KCTD2: variants seen among roughly 807,000 people sequenced by gnomAD.
The protein encoded by KCTD2 is BTB/POZ domain-containing protein KCTD2.
KCTD2 carries 18 observed loss-of-function variants against 27.9 expected under a neutral mutation model. The ratio of observed to expected loss-of-function variants is 0.64; its 90% CI spans 0.45 to 0.96. The LOEUF (loss-of-function observed/expected upper bound fraction) is 0.96. KCTD2 is among the 40% of genes least tolerant of loss of function. KCTD2 has a pLI of 0.00. For missense variants in KCTD2, 280 were observed against 348.0 expected, an observed-to-expected ratio of 0.80 and a Z score of 1.56; for synonymous variants, 175 against 148.4, an observed-to-expected ratio of 1.18 and a Z score of -1.30.
upstream of KCTD2, chr17:75,047,183 C>T (rs1199157425): frequency 1.1e-5 from 5 of 464,032 alleles, no homozygotes; most frequent in Non-Finnish European, 1.6e-5. Context: ...GCCGGCCCGG[C>T]TCTCCCTGCC....
In KCTD2 at chr17:75,063,335, C is replaced by T. The variant is rs868771572; in HGVS notation, c.*288C>T. ...ACAGCAGCTGGGCTGGGTTCCCAGT[C>T]GGAGCCTTTCGGGGATCTGGGGGAT... On this transcript the variant is annotated 3_prime_UTR_variant, in exon 6 of 6. Transcript: ENST00000322444. 3.4e-5 allele frequency: 15 copies of T among 439,418 alleles called. No homozygotes were observed. Among genetic ancestry groups the T allele is most frequent in the South Asian group, 1.4e-4 (5 of 36,088 alleles). The allele number at this position is 439,418 out of a possible 1,614,324, so 27.2% of individuals were successfully genotyped here.
chr17:75,046,500 G>A (rs1251099962), upstream of KCTD2, among the ~76,000 whole-genome samples: 2 of 152,222 alleles, frequency 1.3e-5, no homozygotes, highest in African/African-American at 2.4e-5. Context: ...TGCACCCGAG[G>A]AGCCCTGAAC....
chr17:75,062,916 A>C (rs2073419185), intron 5 of KCTD2, 102 bp from the exon 6 acceptor site: 4 of 1,267,696 alleles, frequency 3.2e-6, no homozygotes, highest in Non-Finnish European at 3.4e-6. Context: ...TCCTGGGATG[A>C]CAGGACCATC....
chr17:75,047,345 C>A lies in KCTD2; in HGVS notation c.95C>A (p.Pro32His). The change falls in exon 1 of 6, where the codon CCC (proline) becomes CAC (histidine). Residue 32 changes from proline to histidine, a missense_variant. By Grantham distance (77) the Pro-to-His change is moderately conservative. Coordinates refer to ENST00000322444, the MANE Select transcript of KCTD2 (RefSeq NM_015353.3). ...GDGGGPVRGP[P>H]SPRPAGPTPR... is the part of the protein sequence containing the mutation. The stretch of plus-strand genomic sequence containing the variant: ...GGGGGTGGCCCAGTCCGCGGGCCCC[C>A]CAGCCCACGCCCGGCTGGCCCCACG... 8.7e-7 allele frequency: 1 copy of A among 1,150,484 alleles called. No individual in the cohort carries two copies. The highest frequency in any genetic ancestry group is 1.1e-6 in the Non-Finnish European group (1 of 936,220). The allele number at this position is 1,150,484 out of a possible 1,614,324, so 71.3% of individuals were successfully genotyped here.
chr17:75,060,692 G>A, intron 4 of KCTD2: 1 of 1,318,136 alleles, frequency 7.6e-7, no homozygotes, highest in East Asian at 2.6e-5. Flanking sequence ...GCTGCACTCA[G>A]GGTCTCGGTC....
upstream of KCTD2, among the ~76,000 whole-genome samples, chr17:75,046,189 TCTC>T (rs2073214321): frequency 6.6e-6 from 1 of 152,128 alleles, no homozygotes; most frequent in Non-Finnish European, 1.5e-5. Context: ...TTCAAGCGAT[TCTC>T]CTGCCTCAGC....
intron 2 of KCTD2, among the ~76,000 whole-genome samples, chr17:75,052,036 T>A (rs1017931158): frequency 6.6e-6 from 1 of 152,072 alleles, no homozygotes; most frequent in African/African-American, 2.4e-5. Context: ...CCAGTCCTTT[T>A]GAGGGCAGAT....
chr17:75,033,131 C>A (rs11869630), intron 1 of KCTD2: 3 of 151,116 alleles, frequency 2.0e-5, no homozygotes, highest in South Asian at 2.1e-4. Context: ...AATTTTTTTT[C>A]TTTTTTTTCT....
Position 75,034,309 on chromosome 17 carries a change from G to A in KCTD2, c.-385+192G>A, listed in dbSNP as rs1356738267. Among the ~76,000 whole-genome samples the A allele has an allele frequency of 2.6e-4, 39 of 152,152 alleles. 1 individual carries two copies. Among genetic ancestry groups the A allele is most frequent in the Admixed American group, 2.6e-3 (39 of 15,278 alleles). On this transcript the variant is annotated intron_variant, in intron 2 of 7. Coordinates refer to the KCTD2 transcript ENST00000581589. ...ACCGCGACTGCAAACAGAGGGTCCT[G>A]CAAGAGAAGGCGAGGGGCGCAAACA...
chr17:75,047,300 G>C lies in KCTD2; in HGVS notation c.50G>C (p.Gly17Ala). ...DPAMAGLGGG[G>A]GSGVGDGGGP... ...GCGATGGCGGGGCTGGGAGGGGGCG[G>C]CGGGAGTGGGGTGGGCGACGGGGGT... Residue 17 changes from glycine (G) to alanine (A), a missense_variant, in exon 1 of 6, where the codon GGC becomes GCC. Physicochemically the swap from Gly to Ala is moderately conservative, Grantham distance 60. Transcript: ENST00000322444. 8.6e-7 allele frequency: 1 copy of C among 1,163,642 alleles called. No homozygotes were observed. Among genetic ancestry groups the C allele is most frequent in the Non-Finnish European group, 1.1e-6 (1 of 939,266 alleles). 72.1% of individuals were successfully genotyped at this position (1,163,642 alleles called of 1,614,324 possible).
At chr17:75,037,345 G>GAAAAAAAAAAA (rs56310455) in intron 3 of KCTD2, among the ~76,000 whole-genome samples, 2 of 84,706 alleles carry the variant, frequency 2.4e-5, no homozygotes, top group African/African-American at 7.0e-5. Context: ...TTCCATATCA[G>GAAAAAAAAAAA]AAAAAAAAAA....
chr17:75,051,324 G>A (rs1379789363), intron 2 of KCTD2, among the ~76,000 whole-genome samples: 1 of 108,188 alleles, frequency 9.2e-6, no homozygotes, highest in African/African-American at 3.8e-5. Context: ...TCCCTCTGTT[G>A]CCCAGGCTGG....
At chr17:75,046,724 CT>C (rs953548403), upstream of KCTD2, among the ~76,000 whole-genome samples, 2 of 152,270 alleles carry the variant, frequency 1.3e-5, no homozygotes, top group South Asian at 4.1e-4. Flanking sequence ...CCGGGCCCCC[CT>C]GACCCCGCGC....
upstream of KCTD2, among the ~76,000 whole-genome samples, chr17:75,043,172 G>C (rs552552250): frequency 2.0e-5 from 3 of 152,326 alleles, no homozygotes; most frequent in African/African-American, 7.2e-5. Flanking sequence ...AATGAGCTGA[G>C]ATGGCATCAG....
chr17:75,046,809 A>C (rs1406259493), upstream of KCTD2: 2 of 152,394 alleles, frequency 1.3e-5, no homozygotes, highest in Non-Finnish European at 2.9e-5. Context: ...CCAGCGGGGC[A>C]AGCCGAGGGC....
At chr17:75,038,809 G>T in intron 3 of KCTD2, 1 of 1,194,442 alleles carries the variant, frequency 8.4e-7, no homozygotes, top group Non-Finnish European at 1.2e-6. Flanking sequence ...AGTGAGGCCA[G>T]CTCAGAAGAG....
At chr17:75,046,020 T>C (rs1194104902), upstream of KCTD2, among the ~76,000 whole-genome samples, 2 of 152,026 alleles carry the variant, frequency 1.3e-5, no homozygotes, top group African/African-American at 4.8e-5. Flanking sequence ...TTTCAGCCGG[T>C]CTCTCTGTTT....
chr17:75,048,342 C>T (rs570912000), intron 1 of KCTD2, among the ~76,000 whole-genome samples: 2 of 152,238 alleles, frequency 1.3e-5, no homozygotes, highest in East Asian at 1.9e-4. Context: ...TTTAACTTTA[C>T]GTATTCACCT....
At chr17:75,053,480 G>A (rs1271160692) in intron 3 of KCTD2, among the ~76,000 whole-genome samples, 1 of 151,550 alleles carries the variant, frequency 6.6e-6, no homozygotes, top group Non-Finnish European at 1.5e-5. Context: ...TCGCCCTGTC[G>A]CCCAGGCCGG....
Sources: gnomAD v4.1 joint callset for allele counts (sites outside exome capture counted in the v4.1 genomes callset) on GRCh38, gnomAD v4.1.1 for gene constraint, MANE v1.5 for transcripts, NCBI Gene and HGNC (gene_info 2026-07-23, HGNC 2026-07-21) for gene names.